Variants in SMAP1 observed in about 807,000 individuals in gnomAD.
SMAP1 encodes the protein stromal membrane-associated protein 1.
SMAP1 carries 24 observed loss-of-function variants against 58.5 expected under a neutral mutation model. That is an observed-to-expected ratio of 0.41 (90% CI 0.30 to 0.58). The LOEUF (loss-of-function observed/expected upper bound fraction) is 0.58, where lower values mean the gene tolerates loss of function less well. Ranked by LOEUF, SMAP1 falls within the 20% of genes least tolerant of loss-of-function variation. The pLI is 0.29. For synonymous variants in SMAP1, 216 were observed against 196.6 expected (o/e 1.10, Z -0.82); for missense variants, 563 against 566.3 (o/e 0.99, Z 0.06).
chr6:70,713,767 A>G (rs1768154533), intron 1 of SMAP1, among the ~76,000 whole-genome samples: 1 of 152,112 alleles, frequency 6.6e-6, no homozygotes, highest in East Asian at 1.9e-4. Context: ...TTTGGTGTGT[A>G]GTGTTGTTCA....
chr6:70,722,920 ATTTTGT>A (rs1768595161), intron 1 of SMAP1, among the ~76,000 whole-genome samples: 1 of 152,126 alleles, frequency 6.6e-6, no homozygotes, highest in Admixed American at 6.5e-5. Flanking sequence ...TGCTGCAGAG[ATTTTGT>A]TTATGGCCAG....
chr6:70,796,211 C>T (rs769181182), intron 5 of SMAP1, among the ~76,000 whole-genome samples: 2 of 152,160 alleles, frequency 1.3e-5, no homozygotes, highest in South Asian at 2.1e-4. Context: ...TTAAAAGAGC[C>T]AAAACAGTGC....
intron 7 of SMAP1, among the ~76,000 whole-genome samples, chr6:70,845,684 C>T (rs1041238240): frequency 9.9e-5 from 15 of 152,172 alleles, no homozygotes; most frequent in Non-Finnish European, 1.9e-4. Flanking sequence ...ATTTAAAACC[C>T]ATCTGTATCT....
At chr6:70,740,951 C>G (rs1434193612) in intron 2 of SMAP1, among the ~76,000 whole-genome samples, 1 of 152,200 alleles carries the variant, frequency 6.6e-6, no homozygotes, top group Non-Finnish European at 1.5e-5. Context: ...ACCATTGACT[C>G]TCATGAGACT....
chr6:70,856,568 C>G, intron 8 of SMAP1: 1 of 222,900 alleles, frequency 4.5e-6, no homozygotes, highest in Non-Finnish European at 8.8e-6. Context: ...TTGTTGAGCC[C>G]CAGGATTTGA....
chr6:70,730,116 C>T (rs1258493086), intron 1 of SMAP1, among the ~76,000 whole-genome samples: 2 of 152,114 alleles, frequency 1.3e-5, no homozygotes, highest in African/African-American at 4.8e-5. Flanking sequence ...GTGGTACCAC[C>T]ATAGCTCAAA....
At chr6:70,681,298 G>A (rs537734987) in intron 1 of SMAP1, among the ~76,000 whole-genome samples, 4 of 152,136 alleles carry the variant, frequency 2.6e-5, no homozygotes, top group African/African-American at 9.6e-5. Context: ...TGGGTGTGGT[G>A]GCACGTGCCT....
At chr6:70,804,465 G>T (rs1023006166) in intron 6 of SMAP1, among the ~76,000 whole-genome samples, 1 of 152,078 alleles carries the variant, frequency 6.6e-6, no homozygotes, top group Non-Finnish European at 1.5e-5. Flanking sequence ...GCCAGTCTGT[G>T]TCTTTTAATT....
At chr6:70,723,417 G>A (rs1768618940) in intron 1 of SMAP1, among the ~76,000 whole-genome samples, 1 of 152,070 alleles carries the variant, frequency 6.6e-6, no homozygotes, top group South Asian at 2.1e-4. Context: ...TACCTTAATT[G>A]TGCTTATTGT....
At chr6:70,826,579 C>A (rs1015494337) in intron 6 of SMAP1, among the ~76,000 whole-genome samples, 2 of 151,910 alleles carry the variant, frequency 1.3e-5, no homozygotes, top group Non-Finnish European at 2.9e-5. Context: ...GTCTGGGCAA[C>A]ATGGTGAAAT....
intron 1 of SMAP1, among the ~76,000 whole-genome samples, chr6:70,712,958 A>AT (rs1768118821): frequency 6.6e-6 from 1 of 151,248 alleles, no homozygotes; most frequent in Admixed American, 6.6e-5. Flanking sequence ...CACCTGGCTC[A>AT]TTTTTTGTAT....
chr6:70,676,439 G>T (rs1445622558), intron 1 of SMAP1, among the ~76,000 whole-genome samples: 1 of 152,180 alleles, frequency 6.6e-6, no homozygotes, highest in East Asian at 1.9e-4. Flanking sequence ...TGGGGAAATT[G>T]TGATTTTATT....
rs535052416 is a variant in SMAP1, at chr6:70,796,091, G to A, written c.496-2566G>A. 1.2e-4 allele frequency among the ~76,000 whole-genome samples: 19 copies of A among 152,098 alleles called. No homozygotes were observed. The South Asian group carries it at 2.1e-3, about 17-fold the overall frequency. Reference sequence around the variant, plus strand: ...TGCTTTCTGCACCATAGTTTACTACGAATATATAGAAAACATTTTATAATA... The same window carrying A: ...TGCTTTCTGCACCATAGTTTACTACAAATATATAGAAAACATTTTATAATA... On this transcript the variant is annotated intron_variant, in intron 5 of 10. Coordinates refer to ENST00000370455, the MANE Select transcript of SMAP1 (RefSeq NM_001044305.3).
chr6:70,768,477 G>A (rs1009258288), intron 3 of SMAP1, among the ~76,000 whole-genome samples: 2 of 152,162 alleles, frequency 1.3e-5, no homozygotes. Context: ...GTTTAGTCTT[G>A]GGAGGGTGTA....
intron 6 of SMAP1, among the ~76,000 whole-genome samples, chr6:70,826,948 A>AAG (rs1476350465): frequency 1.3e-4 from 20 of 150,944 alleles, no homozygotes; most frequent in African/African-American, 4.6e-4. Context: ...AAAAAAAAAA[A>AAG]AAAAAAAAAA....
At chr6:70,782,372 ATATT>A (rs1318317349) in intron 4 of SMAP1, among the ~76,000 whole-genome samples, 1 of 152,162 alleles carries the variant, frequency 6.6e-6, no homozygotes, top group Admixed American at 6.5e-5. Flanking sequence ...ACAGTTGAAA[ATATT>A]TATTGAGACC....
intron 1 of SMAP1, among the ~76,000 whole-genome samples, chr6:70,672,773 C>A (rs1248077525): frequency 1.3e-5 from 2 of 152,114 alleles, no homozygotes; most frequent in African/African-American, 4.8e-5. Flanking sequence ...TGTGGAGTGA[C>A]CCTGTTGGGA....
chr6:70,694,179 C>T (rs574797997), intron 1 of SMAP1: 9 of 335,112 alleles, frequency 2.7e-5, no homozygotes, highest in African/African-American at 4.5e-5. Flanking sequence ...AGTCAGAAAT[C>T]GAGGCTATAA....
In SMAP1 at chr6:70,799,207, A is replaced by G. The variant is rs560858413; in HGVS notation, c.576+470A>G. ...TGAAAATTGTAAATAAAATGTTTAG[A>G]AAAATAGTGAATTTGAAGAAAGGGA... On this transcript the variant is annotated intron_variant, in intron 6 of 10. Coordinates refer to ENST00000370455, the MANE Select transcript of SMAP1 (RefSeq NM_001044305.3). Among the ~76,000 whole-genome samples the G allele has an allele frequency of 2.0e-5, 3 of 152,292 alleles. No individual in the cohort carries two copies. The South Asian group carries it at 6.2e-4, about 32-fold the overall frequency.
Sources: gnomAD v4.1 joint callset for allele counts (sites outside exome capture counted in the v4.1 genomes callset) on GRCh38, gnomAD v4.1.1 for gene constraint, MANE v1.5 for transcripts, NCBI Gene and HGNC (gene_info 2026-07-23, HGNC 2026-07-21) for gene names.